Variants in PRIM2 observed in about 807,000 individuals in gnomAD.
The protein encoded by PRIM2 is DNA primase large subunit.
PRIM2 carries 39 observed loss-of-function variants against 67.3 expected under a neutral mutation model. The ratio of observed to expected loss-of-function variants is 0.58; its 90% CI spans 0.45 to 0.76. The LOEUF is 0.76. Among genes scored for constraint, PRIM2 ranks in the 30% least tolerant of loss-of-function variants. The pLI is 0.00. For synonymous variants in PRIM2, 143 were observed against 198.7 expected, an observed-to-expected ratio of 0.72 and a Z score of 2.36; for missense variants, 398 against 598.7, an observed-to-expected ratio of 0.66 and a Z score of 3.50.
At position 57,536,506 on chromosome 6, in the gene PRIM2, G is replaced by A. The variant is rs1279675549; in HGVS notation, c.835-934G>A. On this transcript the variant is annotated intron_variant, in intron 9 of 13. Coordinates refer to ENST00000615550, the MANE Select transcript of PRIM2 (RefSeq NM_000947.5). ...TCAGCAATTGTACTTTTATCTCAGG[G>A]AAATGAAATCTTATGTTCACATAAA... Among the ~76,000 whole-genome samples, 130 of 152,238 alleles carry A rather than the reference G, an allele frequency of 8.5e-4. 1 individual carries two copies. The highest frequency in any genetic ancestry group is 1.7e-3 in the Non-Finnish European group (114 of 68,000).
At chr6:57,563,668 C>T (rs1158026842) in intron 10 of PRIM2, among the ~76,000 whole-genome samples, 2 of 152,160 alleles carry the variant, frequency 1.3e-5, no homozygotes, top group African/African-American at 2.4e-5. Flanking sequence ...TGGAGACAGA[C>T]TCTTGCTTTG....
chr6:57,251,912 T>C, the PRIM2 span, among the ~76,000 whole-genome samples: 1 of 152,202 alleles, frequency 6.6e-6, no homozygotes, highest in African/African-American at 2.4e-5. Context: ...GTGAATTAAC[T>C]ACACTCTTAA....
chr6:57,603,012 C>T (rs1776497933), intron 11 of PRIM2, among the ~76,000 whole-genome samples: 1 of 152,106 alleles, frequency 6.6e-6, no homozygotes, highest in South Asian at 2.1e-4. Context: ...TTGACAAATC[C>T]TTATCATCCA....
chr6:57,229,725 C>A, the PRIM2 span, among the ~76,000 whole-genome samples: 1 of 152,144 alleles, frequency 6.6e-6, no homozygotes, highest in Non-Finnish European at 1.5e-5. Flanking sequence ...TACCTGACCT[C>A]GTGATCCGTG....
intron 11 of PRIM2, among the ~76,000 whole-genome samples, chr6:57,605,889 A>G (rs1776553543): frequency 6.6e-6 from 1 of 152,146 alleles, no homozygotes; most frequent in South Asian, 2.1e-4. Flanking sequence ...TCTACGCTTT[A>G]GGAAATAGGC....
intron 5 of PRIM2, among the ~76,000 whole-genome samples, chr6:57,332,443 T>C (rs1284354948): frequency 6.6e-6 from 1 of 152,160 alleles, no homozygotes; most frequent in Non-Finnish European, 1.5e-5. Flanking sequence ...TGCCTATTTG[T>C]TCTATCCATT....
rs1767839994 is a variant in PRIM2, at chr6:57,326,051, T to G, written c.459+6T>G. ...GCCAATTGCAGTTTGAGGCTGTAAG[T>G]ATATTTTTGTAGTTATTTCTAATTG... On this transcript the variant is annotated splice_donor_region_variant and intron_variant, in intron 5 of 13. Coordinates refer to ENST00000615550, the MANE Select transcript of PRIM2 (RefSeq NM_000947.5). The G allele has an allele frequency of 6.2e-7, 1 of 1,608,882 alleles. No homozygotes were observed. Among genetic ancestry groups the G allele is most frequent in the South Asian group, 1.1e-5 (1 of 89,660 alleles).
At chr6:57,289,861 G>T in the PRIM2 span, among the ~76,000 whole-genome samples, 14 of 152,156 alleles carry the variant, frequency 9.2e-5, no homozygotes, top group African/African-American at 3.4e-4. Flanking sequence ...ATGCCAAATT[G>T]TAAAGACCAT....
chr6:57,541,020 G>T (rs1581979054), intron 10 of PRIM2, among the ~76,000 whole-genome samples: 1 of 152,180 alleles, frequency 6.6e-6, no homozygotes, highest in African/African-American at 2.4e-5. Flanking sequence ...TAACACCATT[G>T]GGCTCATAGG....
At chr6:57,557,408 A>C (rs1775536130) in intron 10 of PRIM2, among the ~76,000 whole-genome samples, 1 of 152,208 alleles carries the variant, frequency 6.6e-6, no homozygotes, top group Non-Finnish European at 1.5e-5. Flanking sequence ...ACAATGTGGT[A>C]CACATATACC....
At chr6:57,487,375 C>A (rs1773778731) in intron 7 of PRIM2, among the ~76,000 whole-genome samples, 1 of 152,046 alleles carries the variant, frequency 6.6e-6, no homozygotes, top group Admixed American at 6.6e-5. Flanking sequence ...ACTACAGGTG[C>A]ATGCCGCCAT....
At chr6:57,603,113 C>T (rs1776499573) in intron 11 of PRIM2, among the ~76,000 whole-genome samples, 1 of 152,152 alleles carries the variant, frequency 6.6e-6, no homozygotes, top group Non-Finnish European at 1.5e-5. Context: ...CCCATCTGTG[C>T]TTCTGTTCTT....
rs1267867163 is a variant in PRIM2, at chr6:57,455,216, C to G, written c.694-52171C>G. On this transcript the variant is annotated intron_variant, in intron 7 of 13. Coordinates refer to ENST00000615550, the MANE Select transcript of PRIM2 (RefSeq NM_000947.5). ...GTGCTTTACTTCCAACTATGTGGTC[C>G]ATTTTGGAATAAGTGAGGTGTGGTG... is the stretch of plus-strand genomic sequence containing the variant. 9.9e-5 allele frequency among the ~76,000 whole-genome samples: 15 copies of G among 152,054 alleles called. No individual in the cohort carries two copies. The East Asian group carries it at 2.5e-3, about 25-fold the overall frequency.
chr6:57,384,015 A>G (rs925306270), intron 7 of PRIM2, among the ~76,000 whole-genome samples: 1 of 152,216 alleles, frequency 6.6e-6, no homozygotes, highest in African/African-American at 2.4e-5. Context: ...AAAAGTGAGA[A>G]GTCTAGATTA....
chr6:57,322,005 T>C (rs1312988221), intron 3 of PRIM2, among the ~76,000 whole-genome samples: 2 of 152,170 alleles, frequency 1.3e-5, no homozygotes, highest in Non-Finnish European at 2.9e-5. Flanking sequence ...AGCAGCTGGA[T>C]GGGCCCTTAT....
Position 57,455,785 on chromosome 6 carries a change from C to A in PRIM2, c.694-51602C>A, listed in dbSNP as rs1368770560. ...TTAATTGGAGCATTTAGCCCATTTA[C>A]ATTTAAAGTTAATATTGTTATTTGT... is the stretch of plus-strand genomic sequence containing the variant. On this transcript the variant is annotated intron_variant, in intron 7 of 13. Coordinates refer to ENST00000615550, the MANE Select transcript of PRIM2 (RefSeq NM_000947.5). Among the ~76,000 whole-genome samples, 42 of 152,294 alleles carry A rather than the reference C, an allele frequency of 2.8e-4. 1 individual carries two copies. Among genetic ancestry groups the A allele is most frequent in the African/African-American group, 9.6e-4 (40 of 41,566 alleles).
At chr6:57,223,403 C>T in the PRIM2 span, among the ~76,000 whole-genome samples, 1 of 152,036 alleles carries the variant, frequency 6.6e-6, no homozygotes, top group Non-Finnish European at 1.5e-5. Context: ...GTTATAAATG[C>T]GTGTCCATTT....
At chr6:57,560,511 T>C (rs1480401861) in intron 10 of PRIM2, among the ~76,000 whole-genome samples, 579 of 151,826 alleles carry the variant, frequency 3.8e-3, no homozygotes, top group Non-Finnish European at 4.6e-3. Context: ...GTGAATTCTT[T>C]CCAGGTTTTC....
chr6:57,640,941 C>CAA lies in PRIM2; in HGVS notation c.1300-4978_1300-4977dup, dbSNP rs1307982833. On this transcript the variant is annotated intron_variant, in intron 13 of 13. Transcript: ENST00000615550. ...GCCAAGACAATCCTAAGCAAAAAAA[C>CAA]AAAAAAAAAACAACGCTAGAGGCAT... 3.7e-3 allele frequency among the ~76,000 whole-genome samples: 541 copies of CAA among 147,668 alleles called. 5 individuals are homozygous for CAA. The highest frequency in any genetic ancestry group is 0.021 in the South Asian group (96 of 4,618).
Sources: allele counts gnomAD v4.1 joint callset (sites outside exome capture counted in the v4.1 genomes callset), GRCh38; gene constraint gnomAD v4.1.1; transcripts MANE v1.5; gene names NCBI Gene and HGNC (gene_info 2026-07-23, HGNC 2026-07-21).